Variants in CTCF observed in about 807,000 individuals in gnomAD.
The protein encoded by CTCF is CCCTC-binding factor.
In CTCF, 7 loss-of-function variants were observed where a neutral mutation model predicts 72.3. That is an observed-to-expected ratio of 0.10 (90% confidence interval 0.06 to 0.18). The LOEUF is 0.18. Among genes scored for constraint, CTCF ranks in the 10% least tolerant of loss-of-function variants. The probability of loss-of-function intolerance (pLI) is 1.00; values close to 1 mark genes in which losing one functional copy is unlikely to be tolerated. For missense variants in CTCF, 516 were observed against 949.1 expected (o/e 0.54, Z 6.00); for synonymous variants, 374 against 315.8 (o/e 1.18, Z -1.95).
chr16:67,604,327 T>C (rs2051940279), intron 2 of CTCF, among the ~76,000 whole-genome samples: 1 of 151,894 alleles, frequency 6.6e-6, no homozygotes, highest in Non-Finnish European at 1.5e-5. Context: ...CAATTTTTTT[T>C]GTTAGTTTTG....
chr16:67,629,393 G>A lies in CTCF; in HGVS notation c.1702-5G>A. 6.3e-7 allele frequency: 1 copy of A among 1,594,592 alleles called. No homozygotes were observed. Among genetic ancestry groups the A allele is most frequent in the East Asian group, 2.3e-5 (1 of 44,410 alleles). On this transcript the variant is annotated splice_region_variant and splice_polypyrimidine_tract_variant and intron_variant, in intron 9 of 11. Coordinates refer to ENST00000264010, the MANE Select transcript of CTCF (RefSeq NM_006565.4). ...TGTGAAAGAGGATTTTGTTCTTTTT[G>A]TTAGAATACCATGGCAAGACATGCT...
chr16:67,570,488 G>T (rs544289581), intron 1 of CTCF, among the ~76,000 whole-genome samples: 1 of 151,146 alleles, frequency 6.6e-6, no homozygotes, highest in Admixed American at 6.6e-5. Context: ...TCGCTCTGTC[G>T]CCCAGGCTGG....
Position 67,637,890 on chromosome 16 carries a change from T to G in CTCF, c.*18T>G. On this transcript the variant is annotated 3_prime_UTR_variant, in exon 12 of 12. Transcript: ENST00000264010. ...ACCGGTGATGGCGGAGCCTTGTGCG[T>G]CGCCAGGACTTCTCTGGGCTGTGTT... is the stretch of plus-strand genomic sequence containing the variant. 1 of 1,590,562 alleles carries G rather than the reference T, an allele frequency of 6.3e-7. No individual in the cohort carries two copies. The highest frequency in any genetic ancestry group is 8.6e-7 in the Non-Finnish European group (1 of 1,166,166).
intron 2 of CTCF, among the ~76,000 whole-genome samples, chr16:67,574,949 G>A (rs942292217): frequency 2.0e-5 from 3 of 152,018 alleles, no homozygotes; most frequent in Non-Finnish European, 4.4e-5. Context: ...GAGCCACTGC[G>A]CCCAGCCAAA....
chr16:67,581,578 G>A (rs1475076072), intron 2 of CTCF, among the ~76,000 whole-genome samples: 3 of 151,884 alleles, frequency 2.0e-5, no homozygotes, highest in Middle Eastern at 6.8e-3. Context: ...ATCTTGGCTC[G>A]CTACAACCTC....
chr16:67,566,178 T>C (rs2051340971), intron 1 of CTCF, among the ~76,000 whole-genome samples: 1 of 152,130 alleles, frequency 6.6e-6, no homozygotes, highest in South Asian at 2.1e-4. Flanking sequence ...TGGCAAATAA[T>C]GTGTAACTTT....
At chr16:67,588,016 C>T (rs1181587213) in intron 2 of CTCF, among the ~76,000 whole-genome samples, 2 of 152,016 alleles carry the variant, frequency 1.3e-5, no homozygotes, top group Admixed American at 6.6e-5. Context: ...CACCACCACG[C>T]CTGGCTAATT....
At chr16:67,600,606 TG>T (rs1473150489) in intron 2 of CTCF, among the ~76,000 whole-genome samples, 1 of 152,094 alleles carries the variant, frequency 6.6e-6, no homozygotes, top group Non-Finnish European at 1.5e-5. Context: ...CTTGAACTCT[TG>T]GGCTCAAGTG....
chr16:67,601,964 C>T (rs1038513836), intron 2 of CTCF, among the ~76,000 whole-genome samples: 1 of 150,916 alleles, frequency 6.6e-6, no homozygotes, highest in Non-Finnish European at 1.5e-5. Context: ...CCAGGGTTCA[C>T]GCGATTCTCC....
intron 2 of CTCF, among the ~76,000 whole-genome samples, chr16:67,575,981 C>A (rs556921127): frequency 1.4e-5 from 2 of 145,646 alleles, no homozygotes; most frequent in South Asian, 4.4e-4. Flanking sequence ...TTAGTGAGAC[C>A]TTGTCTGTAA....
intron 2 of CTCF, among the ~76,000 whole-genome samples, chr16:67,588,680 A>G (rs2051699518): frequency 6.6e-6 from 1 of 151,688 alleles, no homozygotes; most frequent in Non-Finnish European, 1.5e-5. Flanking sequence ...CTCTGAAACC[A>G]CATCAAAATA....
intron 10 of CTCF, among the ~76,000 whole-genome samples, chr16:67,633,830 T>TA (rs1329549483): frequency 6.6e-6 from 1 of 151,470 alleles, no homozygotes; most frequent in Non-Finnish European, 1.5e-5. Context: ...ACTCACTCAC[T>TA]CTTACCCTTC....
At chr16:67,597,341 C>CT (rs113177518) in intron 2 of CTCF, among the ~76,000 whole-genome samples, 41 of 146,754 alleles carry the variant, frequency 2.8e-4, no homozygotes, top group Admixed American at 8.2e-4. Flanking sequence ...GCCACTAATG[C>CT]TTTTTTTTTT....
At chr16:67,583,403 C>T (rs1341577623) in intron 2 of CTCF, among the ~76,000 whole-genome samples, 2 of 152,078 alleles carry the variant, frequency 1.3e-5, no homozygotes, top group African/African-American at 2.4e-5. Context: ...GAGTATATAT[C>T]TAGCCAGGCG....
chr16:67,576,557 T>G lies in CTCF; in HGVS notation c.-10+5293T>G, dbSNP rs946671310. On this transcript the variant is annotated intron_variant, in intron 2 of 11. Transcript: ENST00000264010. ...ACATCCCTATAATAGAATGTTTTTT[T>G]TTTTTTTTTTTTTTGAGATGGTGTC... Among the ~76,000 whole-genome samples the G allele has an allele frequency of 4.7e-5, 7 of 147,704 alleles. No individual in the cohort carries two copies. The South Asian group carries it at 8.8e-4, about 19-fold the overall frequency.
At chr16:67,573,518 A>G (rs1016094012) in intron 2 of CTCF, among the ~76,000 whole-genome samples, 1 of 152,222 alleles carries the variant, frequency 6.6e-6, no homozygotes, top group Non-Finnish European at 1.5e-5. Context: ...TATGATTAAG[A>G]TAACATAGGT....
chr16:67,619,464 T>C (rs574398605), intron 5 of CTCF, among the ~76,000 whole-genome samples: 1 of 152,242 alleles, frequency 6.6e-6, no homozygotes, highest in Admixed American at 6.5e-5. Context: ...CTCAGAGACA[T>C]TTATGAGTAC....
At position 67,637,335 on chromosome 16, in the gene CTCF, C is replaced by A. The variant is rs182957614; in HGVS notation, c.2000-353C>A. Among the ~76,000 whole-genome samples the A allele has an allele frequency of 3.3e-5, 5 of 152,266 alleles. No homozygotes were observed. In the East Asian group the frequency reaches 9.7e-4, roughly 29 times the overall value. On this transcript the variant is annotated intron_variant, in intron 11 of 11. Transcript: ENST00000264010. The stretch of plus-strand genomic sequence containing the variant: ...TCACCTGAGGTCAGTAGTTCCATAC[C>A]AGCCTGGTCAACATGGTGAAACCCC...
At chr16:67,587,339 ATTG>A (rs1371545016) in intron 2 of CTCF, among the ~76,000 whole-genome samples, 2 of 152,028 alleles carry the variant, frequency 1.3e-5, no homozygotes, top group Non-Finnish European at 2.9e-5. Context: ...ACAAGTATCC[ATTG>A]TTGTTATTTA....
Sources: gnomAD v4.1 joint callset for allele counts (sites outside exome capture counted in the v4.1 genomes callset) on GRCh38, gnomAD v4.1.1 for gene constraint, MANE v1.5 for transcripts, NCBI Gene and HGNC (gene_info 2026-07-23, HGNC 2026-07-21) for gene names.